The following ROBO1 variants were observed in gnomAD, a reference collection of about 807,000 sequenced individuals.
The protein encoded by ROBO1 is roundabout guidance receptor 1, also known as roundabout homolog 1.
In ROBO1, 149 loss-of-function variants were observed where a neutral mutation model predicts 195.9. The observed-to-expected ratio is 0.76, with a 90% CI of 0.67 to 0.87. The LOEUF (loss-of-function observed/expected upper bound fraction) is 0.87, where lower values mean the gene tolerates loss of function less well. Ranked by LOEUF, ROBO1 falls within the 40% of genes least tolerant of loss-of-function variation. The pLI, the probability that ROBO1 is intolerant of heterozygous loss-of-function variation, is 0.00. For synonymous variants in ROBO1, 816 were observed against 733.2 expected, an observed-to-expected ratio of 1.11 and a Z score of -1.82; for missense variants, 1,933 against 2,068.3, an observed-to-expected ratio of 0.93 and a Z score of 1.27.
At chr3:78,936,152 G>A (rs2039794583) in intron 4 of ROBO1, among the ~76,000 whole-genome samples, 1 of 151,738 alleles carries the variant, frequency 6.6e-6, no homozygotes, top group Non-Finnish European at 1.5e-5. Context: ...AGGCACAATA[G>A]ACAAAAATAT....
At chr3:78,682,290 A>G (rs2080935035) in intron 10 of ROBO1, among the ~76,000 whole-genome samples, 1 of 151,850 alleles carries the variant, frequency 6.6e-6, no homozygotes, top group South Asian at 2.1e-4. Flanking sequence ...AACTTGAAAT[A>G]TATATATATT....
intron 4 of ROBO1, among the ~76,000 whole-genome samples, chr3:78,870,679 G>A (rs2035491983): frequency 6.6e-6 from 1 of 152,104 alleles, no homozygotes; most frequent in Admixed American, 6.6e-5. Flanking sequence ...ATCATCAATG[G>A]CAAGGATTTT....
At chr3:78,711,348 C>CTTTCTTCCTTCCT (rs1428531321) in intron 8 of ROBO1, among the ~76,000 whole-genome samples, 1 of 54,700 alleles carries the variant, frequency 1.8e-5, no homozygotes, top group Non-Finnish European at 3.2e-5. Flanking sequence ...TCCTTCCTTC[C>CTTTCTTCCTTCCT]TCCTTCCTTC....
chr3:79,642,449 C>G (rs2106678254), intron 1 of ROBO1, among the ~76,000 whole-genome samples: 1 of 152,134 alleles, frequency 6.6e-6, no homozygotes, highest in Non-Finnish European at 1.5e-5. Context: ...ACTGATTTGA[C>G]CCAAATAACT....
chr3:79,215,620 G>A (rs1378634), intron 2 of ROBO1, among the ~76,000 whole-genome samples: 20 of 152,284 alleles, frequency 1.3e-4, no homozygotes, highest in African/African-American at 4.1e-4. Context: ...ACAAAGGGCT[G>A]TTTGGATAAT....
At chr3:78,669,706 C>T (rs933812214) in intron 11 of ROBO1, among the ~76,000 whole-genome samples, 1 of 152,062 alleles carries the variant, frequency 6.6e-6, no homozygotes, top group Admixed American at 6.5e-5. Flanking sequence ...CAAACACTTA[C>T]AATAGAAGAA....
chr3:78,845,603 C>T, intron 4 of ROBO1, among the ~76,000 whole-genome samples: 1 of 151,944 alleles, frequency 6.6e-6, no homozygotes, highest in East Asian at 1.9e-4. Flanking sequence ...ATAAAGCATA[C>T]AGAATTTTTT....
At chr3:79,523,255 C>T (rs1193111030) in intron 2 of ROBO1, among the ~76,000 whole-genome samples, 1 of 151,738 alleles carries the variant, frequency 6.6e-6, no homozygotes, top group Non-Finnish European at 1.5e-5. Flanking sequence ...GAAACTACAA[C>T]AGCATGCATA....
intron 2 of ROBO1, among the ~76,000 whole-genome samples, chr3:79,308,938 A>G (rs1361016684): frequency 6.6e-6 from 1 of 152,198 alleles, no homozygotes; most frequent in Non-Finnish European, 1.5e-5. Context: ...ACTACATTTT[A>G]GAGAGGAACA....
At chr3:79,628,988 A>G (rs1945262620) in intron 1 of ROBO1, among the ~76,000 whole-genome samples, 1 of 152,220 alleles carries the variant, frequency 6.6e-6, no homozygotes, top group Non-Finnish European at 1.5e-5. Context: ...CAGAGCACAC[A>G]GATTCATAAG....
intron 4 of ROBO1, among the ~76,000 whole-genome samples, chr3:78,769,792 C>T (rs1452693865): frequency 2.0e-5 from 3 of 151,960 alleles, no homozygotes; most frequent in African/African-American, 7.3e-5. Context: ...TTCTCTCAGC[C>T]TTTGTTTGTC....
At chr3:78,791,547 G>A (rs989207078) in intron 4 of ROBO1, among the ~76,000 whole-genome samples, 1 of 152,074 alleles carries the variant, frequency 6.6e-6, no homozygotes, top group Admixed American at 6.5e-5. Flanking sequence ...AGGCTTCGTC[G>A]ATACCCTCTG....
intron 3 of ROBO1, among the ~76,000 whole-genome samples, chr3:79,093,679 T>A (rs544132857): frequency 6.6e-6 from 1 of 152,034 alleles, no homozygotes; most frequent in Non-Finnish European, 1.5e-5. Flanking sequence ...TAAGACAGTA[T>A]CACTTTAATA....
At chr3:79,354,031 C>A (rs572821119) in intron 2 of ROBO1, among the ~76,000 whole-genome samples, 24 of 150,104 alleles carry the variant, frequency 1.6e-4, no homozygotes, top group Admixed American at 1.3e-3. Flanking sequence ...GGCGACAGAG[C>A]GAGACTCTGT....
chr3:79,263,327 C>T (rs1305511554), intron 2 of ROBO1, among the ~76,000 whole-genome samples: 2 of 152,056 alleles, frequency 1.3e-5, no homozygotes, highest in Non-Finnish European at 2.9e-5. Flanking sequence ...TCTCTCCATA[C>T]ATGCAGTGAA....
At chr3:79,703,167 T>G (rs1015763154) in intron 1 of ROBO1, among the ~76,000 whole-genome samples, 2 of 151,946 alleles carry the variant, frequency 1.3e-5, no homozygotes, top group African/African-American at 4.8e-5. Flanking sequence ...GTCTCAAAAT[T>G]GATCATTTCT....
intron 2 of ROBO1, among the ~76,000 whole-genome samples, chr3:79,194,527 G>C (rs141235439): frequency 6.6e-6 from 1 of 151,592 alleles, no homozygotes; most frequent in South Asian, 2.1e-4. Flanking sequence ...AGGTTCTCAA[G>C]TGCCTGGCTT....
intron 2 of ROBO1, among the ~76,000 whole-genome samples, chr3:79,234,313 G>A (rs2082371506): frequency 6.6e-6 from 1 of 152,092 alleles, no homozygotes; most frequent in South Asian, 2.1e-4. Context: ...GATTCTTAGA[G>A]TTTGAGGTCT....
chr3:79,529,631 CAGGT>C (rs1475083242), intron 2 of ROBO1, among the ~76,000 whole-genome samples: 1 of 152,210 alleles, frequency 6.6e-6, no homozygotes, highest in Non-Finnish European at 1.5e-5. Flanking sequence ...AAGTGACAAA[CAGGT>C]GGGTAGTGGT....
Sources: allele counts gnomAD v4.1 joint callset (sites outside exome capture counted in the v4.1 genomes callset), GRCh38; gene constraint gnomAD v4.1.1; transcripts MANE v1.5; gene names NCBI Gene and HGNC (gene_info 2026-07-23, HGNC 2026-07-21).